CHSY3: variants seen among roughly 807,000 people sequenced by gnomAD.
CHSY3 encodes the protein chondroitin sulfate synthase 3.
Under a neutral mutation model 67.2 loss-of-function variants are expected in CHSY3, and 35 were observed. That is an observed-to-expected ratio of 0.52 (90% confidence interval 0.40 to 0.69). The LOEUF (loss-of-function observed/expected upper bound fraction) is 0.69, where lower values mean the gene tolerates loss of function less well. CHSY3 is among the 30% of genes least tolerant of loss of function. The pLI, the probability that CHSY3 is intolerant of heterozygous loss-of-function variation, is 0.00. For synonymous variants in CHSY3, 474 were observed against 434.7 expected, an observed-to-expected ratio of 1.09 and a Z score of -1.12; for missense variants, 1,069 against 1,138.5, an observed-to-expected ratio of 0.94 and a Z score of 0.88.
intron 2 of CHSY3, among the ~76,000 whole-genome samples, chr5:130,054,713 T>C (rs1765473332): frequency 6.6e-6 from 1 of 152,230 alleles, no homozygotes; most frequent in African/African-American, 2.4e-5. Flanking sequence ...ATATTAGTTA[T>C]TAATGTTATG....
chr5:130,032,841 G>C (rs2149660978), intron 2 of CHSY3, among the ~76,000 whole-genome samples: 1 of 152,294 alleles, frequency 6.6e-6, no homozygotes, highest in Middle Eastern at 3.4e-3. Context: ...GAAAGGAGAA[G>C]GGTGAGGAAG....
intron 2 of CHSY3, among the ~76,000 whole-genome samples, chr5:130,040,095 G>T (rs1045063140): frequency 1.3e-5 from 2 of 152,038 alleles, no homozygotes; most frequent in African/African-American, 2.4e-5. Flanking sequence ...TGTCTCCATC[G>T]ACCACAGTAT....
intron 2 of CHSY3, among the ~76,000 whole-genome samples, chr5:129,996,463 A>G (rs1763542744): frequency 1.3e-5 from 2 of 152,224 alleles, no homozygotes; most frequent in South Asian, 4.1e-4. Flanking sequence ...TGTTGTTTTT[A>G]CATCATCCAG....
chr5:130,005,331 C>A (rs1483987777), intron 2 of CHSY3, among the ~76,000 whole-genome samples: 1 of 152,000 alleles, frequency 6.6e-6, no homozygotes, highest in Admixed American at 6.6e-5. Flanking sequence ...AGGAGAATCG[C>A]TTGAACCCGG....
intron 2 of CHSY3, among the ~76,000 whole-genome samples, chr5:130,025,252 G>A (rs945237177): frequency 1.3e-5 from 2 of 152,106 alleles, no homozygotes; most frequent in Non-Finnish European, 2.9e-5. Context: ...TTTTCTCTAA[G>A]GAATTAACCT....
chr5:130,156,336 T>C (rs1308574711), intron 2 of CHSY3, among the ~76,000 whole-genome samples: 1 of 152,218 alleles, frequency 6.6e-6, no homozygotes, highest in African/African-American at 2.4e-5. Context: ...AGGCATTTCA[T>C]CATCTAGGCC....
At chr5:130,078,337 G>A (rs1766337907) in intron 2 of CHSY3, among the ~76,000 whole-genome samples, 1 of 152,050 alleles carries the variant, frequency 6.6e-6, no homozygotes. Flanking sequence ...TTTATTCCAT[G>A]GGTGTGTGTA....
At chr5:130,014,994 A>C (rs1209075856) in intron 2 of CHSY3, among the ~76,000 whole-genome samples, 1 of 152,174 alleles carries the variant, frequency 6.6e-6, no homozygotes, top group Non-Finnish European at 1.5e-5. Flanking sequence ...TATATAAGGA[A>C]CTGATATGGT....
intron 2 of CHSY3, among the ~76,000 whole-genome samples, chr5:130,109,000 G>A (rs1391986927): frequency 6.6e-6 from 1 of 151,574 alleles, no homozygotes; most frequent in Non-Finnish European, 1.5e-5. Flanking sequence ...GACATATGAA[G>A]CCCTCAAGTT....
intron 2 of CHSY3, among the ~76,000 whole-genome samples, chr5:130,146,673 A>C (rs1487159664): frequency 1.3e-5 from 2 of 152,190 alleles, no homozygotes; most frequent in Non-Finnish European, 2.9e-5. Flanking sequence ...ATGGATACTA[A>C]ATACACTGAT....
At chr5:130,023,676 A>G (rs1401384740) in intron 2 of CHSY3, among the ~76,000 whole-genome samples, 1 of 152,046 alleles carries the variant, frequency 6.6e-6, no homozygotes, top group Non-Finnish European at 1.5e-5. Flanking sequence ...ACTGAAGTCT[A>G]AAACCATCAT....
intron 2 of CHSY3, among the ~76,000 whole-genome samples, chr5:130,071,274 A>G (rs1309125458): frequency 6.6e-6 from 1 of 152,050 alleles, no homozygotes; most frequent in Admixed American, 6.6e-5. Flanking sequence ...TGTCACCTAA[A>G]ATATTAATTA....
At chr5:129,981,150 G>T (rs1403272760) in intron 2 of CHSY3, among the ~76,000 whole-genome samples, 1 of 151,986 alleles carries the variant, frequency 6.6e-6, no homozygotes, top group Non-Finnish European at 1.5e-5. Flanking sequence ...GAACCCGGGG[G>T]GCGGAGCTTG....
chr5:130,074,649 G>A (rs1320605564), intron 2 of CHSY3, among the ~76,000 whole-genome samples: 1 of 152,004 alleles, frequency 6.6e-6, no homozygotes, highest in Non-Finnish European at 1.5e-5. Context: ...CTGAAAATAG[G>A]GGACAGTTTT....
chr5:130,110,649 A>AT (rs1767564576), intron 2 of CHSY3, among the ~76,000 whole-genome samples: 1 of 151,962 alleles, frequency 6.6e-6, no homozygotes, highest in Non-Finnish European at 1.5e-5. Context: ...TTTCTAACTT[A>AT]GATGAAAACT....
intron 2 of CHSY3, among the ~76,000 whole-genome samples, chr5:129,918,937 C>T (rs1479786777): frequency 6.7e-6 from 1 of 148,576 alleles, no homozygotes; most frequent in East Asian, 2.0e-4. Context: ...GAAACCCCGT[C>T]TCTACTAAAA....
chr5:130,172,817 A>G (rs1769932828), intron 2 of CHSY3, among the ~76,000 whole-genome samples: 1 of 152,138 alleles, frequency 6.6e-6, no homozygotes, highest in Non-Finnish European at 1.5e-5. Context: ...AAATTTGACT[A>G]CTTTAGATAT....
Position 130,081,408 on chromosome 5 carries a change from G to A in CHSY3, c.1087-102821G>A, listed in dbSNP as rs149276200. 2.8e-3 allele frequency among the ~76,000 whole-genome samples: 426 copies of A among 152,074 alleles called. 5 individuals carry two copies. Among genetic ancestry groups the A allele is most frequent in the African/African-American group, 1.0e-2 (414 of 41,514 alleles). Reference sequence around the variant, plus strand: ...AGGCTTCTTCTTCAGGTCAGCATGTGAAAGTGCCATATTTGGGAGTATTGG... The same window carrying A: ...AGGCTTCTTCTTCAGGTCAGCATGTAAAAGTGCCATATTTGGGAGTATTGG... On this transcript the variant is annotated intron_variant, in intron 2 of 2. Transcript: ENST00000305031.
chr5:130,175,936 G>A (rs1335735319), intron 2 of CHSY3, among the ~76,000 whole-genome samples: 2 of 152,102 alleles, frequency 1.3e-5, no homozygotes, highest in Non-Finnish European at 2.9e-5. Context: ...CAGGACATAG[G>A]CACGGGCAAA....
Sources: gnomAD v4.1 joint callset for allele counts (sites outside exome capture counted in the v4.1 genomes callset) on GRCh38, gnomAD v4.1.1 for gene constraint, MANE v1.5 for transcripts, NCBI Gene and HGNC (gene_info 2026-07-23, HGNC 2026-07-21) for gene names.